Variants in NXPE4 observed in about 807,000 individuals in gnomAD.
NXPE4 encodes the protein neurexophilin and PC-esterase domain family member 4, also known as NXPE family member 4.
In NXPE4, 42 loss-of-function variants were observed where a neutral mutation model predicts 33.3. The observed-to-expected ratio is 1.26, with a 90% CI of 0.98 to 1.63. NXPE4 has a LOEUF of 1.63. Ranked by LOEUF, NXPE4 falls within the 40% of genes most tolerant of loss-of-function variation. NXPE4 has a pLI of 0.00. For synonymous variants in NXPE4, 253 were observed against 234.9 expected, an observed-to-expected ratio of 1.08 and a Z score of -0.71; for missense variants, 709 against 647.6, an observed-to-expected ratio of 1.09 and a Z score of -1.03.
chr11:114,649,711 T>C, the NXPE4 span, among the ~76,000 whole-genome samples: 1 of 152,308 alleles, frequency 6.6e-6, no homozygotes, highest in South Asian at 2.1e-4. Flanking sequence ...GAAATGATCA[T>C]AGGAGTCCAA....
chr11:114,603,925 C>T, the NXPE4 span, among the ~76,000 whole-genome samples: 29 of 151,016 alleles, frequency 1.9e-4, no homozygotes, highest in South Asian at 2.9e-3. Flanking sequence ...CTGCTAATAC[C>T]TGGTGGATAA....
At chr11:114,608,333 T>A in the NXPE4 span, among the ~76,000 whole-genome samples, 1 of 151,786 alleles carries the variant, frequency 6.6e-6, no homozygotes, top group Non-Finnish European at 1.5e-5. Flanking sequence ...ACTTGCTGGA[T>A]AATAAGTGTT....
chr11:114,577,813 A>G (rs1819319536), intron 5 of NXPE4, among the ~76,000 whole-genome samples: 1 of 152,154 alleles, frequency 6.6e-6, no homozygotes, highest in South Asian at 2.1e-4. Context: ...CACTCTTTAA[A>G]TTCCCTCAAG....
chr11:114,626,450 C>A, the NXPE4 span, among the ~76,000 whole-genome samples: 5 of 151,922 alleles, frequency 3.3e-5, no homozygotes, highest in African/African-American at 1.2e-4. Flanking sequence ...CTCCAACAGA[C>A]CTGCAGCTGA....
At chr11:114,586,306 G>A (rs1181081893) in intron 2 of NXPE4, among the ~76,000 whole-genome samples, 1 of 152,112 alleles carries the variant, frequency 6.6e-6, no homozygotes, top group African/African-American at 2.4e-5. Context: ...AATGAACCTC[G>A]GGTATTATCC....
chr11:114,601,390 G>A, the NXPE4 span, among the ~76,000 whole-genome samples: 6 of 141,958 alleles, frequency 4.2e-5, no homozygotes, highest in African/African-American at 1.6e-4. Flanking sequence ...ATACCCTCCA[G>A]TTCCATCCGT....
At chr11:114,658,804 T>C in the NXPE4 span, among the ~76,000 whole-genome samples, 11 of 152,024 alleles carry the variant, frequency 7.2e-5, no homozygotes, top group African/African-American at 2.7e-4. Flanking sequence ...CCCTACAAAA[T>C]AACACGAACA....
At chr11:114,595,849 A>C (rs1949565449), upstream of NXPE4, 1 of 152,318 alleles carries the variant, frequency 6.6e-6, no homozygotes, top group African/African-American at 2.4e-5. Context: ...TATTAGCTCA[A>C]GCAGAGGTAG....
At chr11:114,613,640 G>A in the NXPE4 span, among the ~76,000 whole-genome samples, 1 of 151,908 alleles carries the variant, frequency 6.6e-6, no homozygotes. Context: ...TGGATAACAA[G>A]TGTTGCCTTT....
chr11:114,640,025 G>T, the NXPE4 span, among the ~76,000 whole-genome samples: 1 of 115,490 alleles, frequency 8.7e-6, no homozygotes, highest in Non-Finnish European at 1.6e-5. Flanking sequence ...ATTTTATAAT[G>T]TAACATAATT....
At chr11:114,620,569 G>A in the NXPE4 span, among the ~76,000 whole-genome samples, 13 of 151,688 alleles carry the variant, frequency 8.6e-5, no homozygotes, top group Admixed American at 2.0e-4. Context: ...ACTGTTACGC[G>A]GTGGATAATA....
chr11:114,601,869 A>G, the NXPE4 span, among the ~76,000 whole-genome samples: 1 of 4,080 alleles, frequency 2.5e-4, no homozygotes, highest in Non-Finnish European at 3.2e-4. Flanking sequence ...ATACAATTAT[A>G]TATATTATAT....
the NXPE4 span, among the ~76,000 whole-genome samples, chr11:114,631,287 T>C: frequency 3.3e-5 from 5 of 151,790 alleles, no homozygotes; most frequent in Non-Finnish European, 7.4e-5. Flanking sequence ...TGTCCAACAA[T>C]GATAGACTGG....
At chr11:114,645,375 A>C in the NXPE4 span, among the ~76,000 whole-genome samples, 1 of 152,134 alleles carries the variant, frequency 6.6e-6, no homozygotes, top group Non-Finnish European at 1.5e-5. Context: ...TGCCTCTGCA[A>C]ATTCCAGGTA....
chr11:114,596,933 G>A (rs12418080), upstream of NXPE4, among the ~76,000 whole-genome samples: 24,549 of 152,116 alleles, frequency 0.16, 2,496 homozygotes, highest in Non-Finnish European at 0.22. Context: ...GATTTGTGCA[G>A]GTCATCTGAT....
At chr11:114,623,206 C>T in the NXPE4 span, among the ~76,000 whole-genome samples, 3 of 151,784 alleles carry the variant, frequency 2.0e-5, no homozygotes, top group African/African-American at 4.8e-5. Context: ...CATTGTTACC[C>T]AGTGGATCAT....
chr11:114,601,056 A>G, the NXPE4 span, among the ~76,000 whole-genome samples: 1 of 151,962 alleles, frequency 6.6e-6, no homozygotes, highest in Non-Finnish European at 1.5e-5. Flanking sequence ...GTTTTAATCT[A>G]TCAATGTCAC....
the NXPE4 span, among the ~76,000 whole-genome samples, chr11:114,670,067 A>G: frequency 6.6e-6 from 1 of 152,088 alleles, no homozygotes; most frequent in African/African-American, 2.4e-5. Flanking sequence ...TAGAATTAGA[A>G]CAAACCTCAA....
intron 5 of NXPE4, among the ~76,000 whole-genome samples, chr11:114,577,061 A>G (rs1425180403): frequency 2.3e-4 from 24 of 103,706 alleles, no homozygotes; most frequent in Middle Eastern, 4.6e-3. Flanking sequence ...ATATATACAT[A>G]TATATATATA....
Sources: gnomAD v4.1 joint callset for allele counts (sites outside exome capture counted in the v4.1 genomes callset) on GRCh38, gnomAD v4.1.1 for gene constraint, MANE v1.5 for transcripts, NCBI Gene and HGNC (gene_info 2026-07-23, HGNC 2026-07-21) for gene names.